Variants in SLC41A2 observed in about 807,000 individuals in gnomAD.
SLC41A2 encodes the protein SLC41A1-like 1.
In SLC41A2, 32 loss-of-function variants were observed where a neutral mutation model predicts 58.3. That is an observed-to-expected ratio of 0.55 (90% CI 0.41 to 0.74). The LOEUF is 0.74. Ranked by LOEUF, SLC41A2 falls within the 30% of genes least tolerant of loss-of-function variation. SLC41A2 has a pLI of 0.00. For synonymous variants in SLC41A2, 190 were observed against 235.0 expected, an observed-to-expected ratio of 0.81 and a Z score of 1.75; for missense variants, 514 against 680.6, an observed-to-expected ratio of 0.76 and a Z score of 2.72.
chr12:104,915,912 T>C (rs1460582919), intron 2 of SLC41A2, among the ~76,000 whole-genome samples: 2 of 152,212 alleles, frequency 1.3e-5, no homozygotes, highest in Non-Finnish European at 2.9e-5. Flanking sequence ...GGGTTTGTCA[T>C]AGATAGCTCT....
intron 4 of SLC41A2, among the ~76,000 whole-genome samples, chr12:104,893,445 G>T (rs2045116544): frequency 1.3e-5 from 2 of 152,176 alleles, no homozygotes; most frequent in South Asian, 4.1e-4. Flanking sequence ...GAACAGTTCG[G>T]AAGTTCCTCA....
intron 10 of SLC41A2, among the ~76,000 whole-genome samples, chr12:104,812,479 A>G (rs2041217363): frequency 6.6e-6 from 1 of 152,200 alleles, no homozygotes; most frequent in Admixed American, 6.6e-5. Context: ...AATATTTCCA[A>G]TCTATACATC....
At chr12:104,922,564 C>T (rs1593148432) in intron 2 of SLC41A2, among the ~76,000 whole-genome samples, 1 of 151,984 alleles carries the variant, frequency 6.6e-6, no homozygotes, top group African/African-American at 2.4e-5. Flanking sequence ...AGATAGACTA[C>T]AATACAGTAA....
At chr12:104,836,075 T>C (rs1184634357) in intron 10 of SLC41A2, among the ~76,000 whole-genome samples, 1 of 152,080 alleles carries the variant, frequency 6.6e-6, no homozygotes, top group Non-Finnish European at 1.5e-5. Context: ...AACTCCTGAG[T>C]TCAGGTGATC....
At position 104,844,566 on chromosome 12, in the gene SLC41A2, A is replaced by C; in HGVS notation, c.1442T>G (p.Leu481Ter). ...VLLLLVIPGHLIFLYTIHLMK... is the reference protein window; with the variant it reads ...VLLLLVIPGH ...CAAATGAATAGTGTAGAGGAAAATT[A>C]AATGTCCAGGAATCACTAAAAGCAG... Residue 481 changes from leucine (L) to a stop codon, truncating the protein, a stop_gained, in exon 10 of 11, where the codon TTA becomes TGA. Transcript: ENST00000258538. LOFTEE classifies it high-confidence loss of function. The C allele has an allele frequency of 3.2e-6, 5 of 1,572,186 alleles. No individual in the cohort carries two copies. The highest frequency in any genetic ancestry group is 4.3e-6 in the Non-Finnish European group (5 of 1,158,550).
chr12:104,898,569 AT>A (rs1296558379), intron 3 of SLC41A2, among the ~76,000 whole-genome samples: 1 of 151,434 alleles, frequency 6.6e-6, no homozygotes, highest in Admixed American at 6.6e-5. Flanking sequence ...CTATATGTAC[AT>A]TTTTTTAAAA....
At chr12:104,906,008 G>A (rs1036778382) in intron 3 of SLC41A2, among the ~76,000 whole-genome samples, 11 of 152,224 alleles carry the variant, frequency 7.2e-5, no homozygotes, top group Non-Finnish European at 8.8e-5. Context: ...CACCAAAGTG[G>A]GAGCCCAGGC....
In SLC41A2 at chr12:104,954,071, A is replaced by G. The variant is rs530433465; in HGVS notation, c.-168+4017T>C. 3.3e-5 allele frequency among the ~76,000 whole-genome samples: 5 copies of G among 149,924 alleles called. No homozygotes were observed. The South Asian group carries it at 8.5e-4, about 25-fold the overall frequency. ...TTGCTTTTCTTTTCTCATCTTTCAG[A>G]TCCCTCATGCTATCTAAAGCTTTCC... is the stretch of plus-strand genomic sequence containing the variant. On this transcript the variant is annotated intron_variant, in intron 1 of 10. Coordinates refer to ENST00000258538, the MANE Select transcript of SLC41A2 (RefSeq NM_001352171.3).
At chr12:104,902,381 G>A (rs2045608070) in intron 3 of SLC41A2, among the ~76,000 whole-genome samples, 1 of 152,152 alleles carries the variant, frequency 6.6e-6, no homozygotes, top group Admixed American at 6.5e-5. Flanking sequence ...GAGGGACAAG[G>A]TGATTGGTAA....
chr12:104,834,975 C>G (rs770697517), intron 10 of SLC41A2, among the ~76,000 whole-genome samples: 6 of 152,144 alleles, frequency 3.9e-5, no homozygotes, highest in Non-Finnish European at 8.8e-5. Context: ...AAGGTAGAGA[C>G]TCTTAATGCT....
At chr12:104,915,352 C>A (rs998216572) in intron 2 of SLC41A2, among the ~76,000 whole-genome samples, 1 of 152,040 alleles carries the variant, frequency 6.6e-6, no homozygotes, top group East Asian at 1.9e-4. Flanking sequence ...GAAAATAAAC[C>A]TTGGGCAGTA....
chr12:104,821,931 A>G (rs992061505), intron 10 of SLC41A2, among the ~76,000 whole-genome samples: 9 of 152,232 alleles, frequency 5.9e-5, no homozygotes, highest in African/African-American at 1.9e-4. Context: ...TTTAAAAGAT[A>G]TCATCATTCT....
intron 4 of SLC41A2, among the ~76,000 whole-genome samples, chr12:104,889,688 G>T (rs896523484): frequency 5.0e-4 from 76 of 152,294 alleles, no homozygotes; most frequent in African/African-American, 1.7e-3. Context: ...GGCTACAGCA[G>T]TGGTCAACGT....
chr12:104,883,694 G>T (rs1228638866), intron 6 of SLC41A2, among the ~76,000 whole-genome samples: 3 of 152,332 alleles, frequency 2.0e-5, no homozygotes, highest in South Asian at 4.1e-4. Flanking sequence ...GTTGCTGCCT[G>T]ATCCTTCCTC....
In SLC41A2 at chr12:104,939,412, G is replaced by A. The variant is rs766657657; in HGVS notation, c.-167-10718C>T. ...AGGGTCTTGCTATGTTCCCCAGGCT[G>A]GTCTCAAACTCCTGGCCTCAAGTGA... is the stretch of plus-strand genomic sequence containing the variant. On this transcript the variant is annotated intron_variant, in intron 1 of 10. Transcript: ENST00000258538. 3.9e-5 allele frequency among the ~76,000 whole-genome samples: 6 copies of A among 152,068 alleles called. No individual in the cohort carries two copies. In the East Asian group the frequency reaches 1.2e-3, roughly 29 times the overall value.
intron 10 of SLC41A2, among the ~76,000 whole-genome samples, chr12:104,825,187 T>G (rs2041795434): frequency 6.6e-6 from 1 of 152,098 alleles, no homozygotes; most frequent in Non-Finnish European, 1.5e-5. Context: ...TTCCTAGAGG[T>G]GCATGTATGC....
At chr12:104,889,261 A>G in intron 4 of SLC41A2, 84 bp from the exon 5 acceptor site, 1 of 1,320,012 alleles carries the variant, frequency 7.6e-7, no homozygotes, top group Non-Finnish European at 1.0e-6. Flanking sequence ...ATTACTACAA[A>G]AAGTCAAAAA....
intron 1 of SLC41A2, among the ~76,000 whole-genome samples, chr12:104,956,728 A>G (rs1226489079): frequency 6.6e-6 from 1 of 152,224 alleles, no homozygotes; most frequent in Admixed American, 6.5e-5. Context: ...AAGCAACCCA[A>G]TTAAAATATG....
At position 104,873,007 on chromosome 12, in the gene SLC41A2, AC is replaced by A. The variant is rs926984257; in HGVS notation, c.1028-6429del. ...TAACATCCATCATCTCAGATATTTA[AC>A]CTCTTTCCACTTTTTTGTGGTAATT... On this transcript the variant is annotated intron_variant, in intron 6 of 10. Coordinates refer to ENST00000258538, the MANE Select transcript of SLC41A2 (RefSeq NM_001352171.3). Among the ~76,000 whole-genome samples, 25 of 152,034 alleles carry A rather than the reference AC, an allele frequency of 1.6e-4. 1 individual carries two copies. The highest frequency in any genetic ancestry group is 5.8e-4 in the African/African-American group (24 of 41,382).
Sources: allele counts gnomAD v4.1 joint callset (sites outside exome capture counted in the v4.1 genomes callset), GRCh38; gene constraint gnomAD v4.1.1; transcripts MANE v1.5; gene names NCBI Gene and HGNC (gene_info 2026-07-23, HGNC 2026-07-21).